PLCB4: variants seen among roughly 807,000 people sequenced by gnomAD.
PLCB4 encodes 1-phosphatidylinositol 4,5-bisphosphate phosphodiesterase beta-4.
Under a neutral mutation model 178.8 loss-of-function variants are expected in PLCB4, and 77 were observed. That is an observed-to-expected ratio of 0.43 (90% CI 0.36 to 0.52). PLCB4 has a LOEUF of 0.52. PLCB4 is among the 20% of genes least tolerant of loss of function. The pLI, the probability that PLCB4 is intolerant of heterozygous loss-of-function variation, is 0.00. For missense variants in PLCB4, 1,024 were observed against 1,453.4 expected (o/e 0.70, Z 4.80); for synonymous variants, 496 against 490.8 (o/e 1.01, Z -0.14).
chr20:9,155,933 T>C (rs773807340), intron 2 of PLCB4, among the ~76,000 whole-genome samples: 1 of 152,100 alleles, frequency 6.6e-6, no homozygotes, highest in Non-Finnish European at 1.5e-5. Context: ...GTATGGACAA[T>C]AAGTTACGAG....
At chr20:9,389,271 T>C (rs2148404393) in intron 15 of PLCB4, among the ~76,000 whole-genome samples, 1 of 152,232 alleles carries the variant, frequency 6.6e-6, no homozygotes, top group South Asian at 2.1e-4. Flanking sequence ...CACTTCTATG[T>C]TTCACTTACA....
intron 1 of PLCB4, among the ~76,000 whole-genome samples, chr20:9,083,646 A>G (rs2090268730): frequency 6.6e-6 from 1 of 152,164 alleles, no homozygotes; most frequent in Non-Finnish European, 1.5e-5. Flanking sequence ...ATTCGATACT[A>G]AGAAAACTGA....
At chr20:9,408,968 T>C in intron 23 of PLCB4, 89 bp from the exon 24 acceptor site, 2 of 1,163,786 alleles carry the variant, frequency 1.7e-6, no homozygotes, top group Non-Finnish European at 2.5e-6. Context: ...TTGTCATTGT[T>C]GGCCTAGACC....
At chr20:9,426,096 A>G (rs115960540) in intron 28 of PLCB4, among the ~76,000 whole-genome samples, 2,395 of 151,912 alleles carry the variant, frequency 0.016, 65 homozygotes, top group African/African-American at 0.055. Flanking sequence ...GCACCATCAC[A>G]CTCAGCATTT....
chr20:9,159,648 A>G (rs2092851148), intron 2 of PLCB4, among the ~76,000 whole-genome samples: 1 of 152,176 alleles, frequency 6.6e-6, no homozygotes, highest in East Asian at 1.9e-4. Flanking sequence ...CTTTTACAGT[A>G]TATGAATTCT....
chr20:9,439,015 T>G (rs552707157), intron 30 of PLCB4, among the ~76,000 whole-genome samples: 1 of 152,358 alleles, frequency 6.6e-6, no homozygotes, highest in Non-Finnish European at 1.5e-5. Context: ...ATGTTCTGTC[T>G]GAGCTAAGAA....
intron 3 of PLCB4, among the ~76,000 whole-genome samples, chr20:9,253,744 T>G (rs964526529): frequency 6.6e-6 from 1 of 152,194 alleles, no homozygotes; most frequent in Non-Finnish European, 1.5e-5. Flanking sequence ...CATATTTGGG[T>G]ACACTGGAAG....
chr20:9,341,814 T>G (rs1255985909), intron 7 of PLCB4, among the ~76,000 whole-genome samples: 1 of 152,136 alleles, frequency 6.6e-6, no homozygotes, highest in Non-Finnish European at 1.5e-5. Flanking sequence ...TTATTGCCAT[T>G]GAAATTTAAG....
At chr20:9,344,962 A>G (rs1409236814) in intron 7 of PLCB4, among the ~76,000 whole-genome samples, 1 of 152,234 alleles carries the variant, frequency 6.6e-6, no homozygotes, top group Non-Finnish European at 1.5e-5. Flanking sequence ...TTTCGCTAAT[A>G]GGCGAGTCTT....
At chr20:9,330,917 T>G (rs2031553222) in intron 4 of PLCB4, among the ~76,000 whole-genome samples, 1 of 152,184 alleles carries the variant, frequency 6.6e-6, no homozygotes, top group South Asian at 2.1e-4. Context: ...TGTAGCTATT[T>G]TCTCATAAGT....
rs562866756 is a variant in PLCB4, at chr20:9,389,964, A to T, written c.1238+6A>T. 1.6e-5 allele frequency: 23 copies of T among 1,466,614 alleles called. No individual in the cohort carries two copies. The South Asian group carries it at 2.2e-4, about 14-fold the overall frequency. The allele number at this position is 1,466,614 out of a possible 1,614,324, so 90.9% of individuals were successfully genotyped here. A position where few individuals can be genotyped will look rare whatever the true frequency, so the allele number is the denominator to read the frequency against. ...TCCTTTGAAAATCACTGCAGGTATAATGATCCATTCTGCCACAAGTCTCTA... is the reference window on the plus strand; with the variant it reads ...TCCTTTGAAAATCACTGCAGGTATATTGATCCATTCTGCCACAAGTCTCTA... On this transcript the variant is annotated splice_donor_region_variant and intron_variant, in intron 16 of 39. Transcript: ENST00000378473.
At chr20:9,148,012 C>T (rs1299363868) in intron 2 of PLCB4, among the ~76,000 whole-genome samples, 1 of 152,170 alleles carries the variant, frequency 6.6e-6, no homozygotes, top group African/African-American at 2.4e-5. Context: ...AGCAGCCTCA[C>T]AAATAGATGT....
chr20:9,153,518 A>G (rs113009284), intron 2 of PLCB4, among the ~76,000 whole-genome samples: 6,459 of 151,272 alleles, frequency 0.043, 194 homozygotes, highest in African/African-American at 0.085. Flanking sequence ...GTGCCTTTCA[A>G]CCTCCCGCCA....
At chr20:9,443,049 G>A (rs2042204569) in intron 30 of PLCB4, among the ~76,000 whole-genome samples, 1 of 152,088 alleles carries the variant, frequency 6.6e-6, no homozygotes, top group Non-Finnish European at 1.5e-5. Context: ...AACTGTTTGA[G>A]GATCTGGCTA....
chr20:9,360,787 A>T (rs572990819), intron 7 of PLCB4, among the ~76,000 whole-genome samples: 1 of 152,304 alleles, frequency 6.6e-6, no homozygotes, highest in East Asian at 1.9e-4. Flanking sequence ...TCCTGACCCC[A>T]CTATGATGCT....
intron 16 of PLCB4, among the ~76,000 whole-genome samples, 179 bp downstream of exon 16, chr20:9,390,137 G>GA (rs1334200092): frequency 2.6e-5 from 4 of 151,928 alleles, no homozygotes; most frequent in Non-Finnish European, 5.9e-5. Flanking sequence ...ACAAAAAAAG[G>GA]AAAAAACGAC....
In PLCB4 at chr20:9,298,096, C is replaced by G. The variant is rs899866211; in HGVS notation, c.-15-9704C>G. 5.3e-5 allele frequency among the ~76,000 whole-genome samples: 8 copies of G among 152,116 alleles called. 1 individual carries two copies. The highest frequency in any genetic ancestry group is 1.9e-4 in the African/African-American group (8 of 41,522). ...ATCTCTGACCTTCTTTCCTGAGACA[C>G]CTTCATGTGACAGGTGTCCCACTTT... On this transcript the variant is annotated intron_variant, in intron 3 of 39. Coordinates refer to ENST00000378473, the MANE Select transcript of PLCB4 (RefSeq NM_001377142.1).
chr20:9,216,062 T>C (rs1182443580), intron 2 of PLCB4, among the ~76,000 whole-genome samples: 1 of 152,230 alleles, frequency 6.6e-6, no homozygotes, highest in African/African-American at 2.4e-5. Context: ...GTCATCTCTA[T>C]ACATAGATCG....
intron 2 of PLCB4, among the ~76,000 whole-genome samples, chr20:9,176,390 A>G (rs1365150087): frequency 1.3e-5 from 2 of 152,196 alleles, no homozygotes; most frequent in African/African-American, 4.8e-5. Context: ...TGGTAGACGC[A>G]TGATCAGATG....
Sources: allele counts gnomAD v4.1 joint callset (sites outside exome capture counted in the v4.1 genomes callset), GRCh38; gene constraint gnomAD v4.1.1; transcripts MANE v1.5; gene names NCBI Gene and HGNC (gene_info 2026-07-23, HGNC 2026-07-21).